Variants in QSER1 observed in about 807,000 individuals in gnomAD.
QSER1 encodes the protein glutamine and serine-rich protein 1.
QSER1 carries 49 observed loss-of-function variants against 158.5 expected under a neutral mutation model. The ratio of observed to expected loss-of-function variants is 0.31; its 90% CI spans 0.25 to 0.39. QSER1 has a LOEUF of 0.39. Ranked by LOEUF, QSER1 falls within the 10% of genes least tolerant of loss-of-function variation. The pLI, the probability that QSER1 is intolerant of heterozygous loss-of-function variation, is 1.00. For synonymous variants in QSER1, 650 were observed against 715.5 expected (o/e 0.91, Z 1.46); for missense variants, 1,754 against 2,010.3 (o/e 0.87, Z 2.44).
chr11:32,952,626 G>A (rs2133579888), intron 4 of QSER1, among the ~76,000 whole-genome samples: 1 of 152,190 alleles, frequency 6.6e-6, no homozygotes, highest in Non-Finnish European at 1.5e-5. Flanking sequence ...AATGAGTTGG[G>A]AAGTGTTTCC....
chr11:32,912,126 A>G (rs1378178926), intron 1 of QSER1, among the ~76,000 whole-genome samples: 1 of 152,118 alleles, frequency 6.6e-6, no homozygotes, highest in Non-Finnish European at 1.5e-5. Flanking sequence ...CCAATTTTTT[A>G]TTTCCAGCTC....
At position 32,969,160 on chromosome 11, in the gene QSER1, A is replaced by C. The variant is rs370498196; in HGVS notation, c.5205+17A>C. 6.3e-6 allele frequency: 9 copies of C among 1,435,668 alleles called. No individual in the cohort carries two copies. The highest frequency in any genetic ancestry group is 8.7e-6 in the Non-Finnish European group (9 of 1,031,466). The allele number at this position is 1,435,668 out of a possible 1,614,324, so 88.9% of individuals were successfully genotyped here. A position where few individuals can be genotyped will look rare whatever the true frequency, so the allele number is the denominator to read the frequency against. On this transcript the variant is annotated intron_variant, in intron 10 of 12. Coordinates refer to ENST00000650167, the MANE Select transcript of QSER1 (RefSeq NM_001076786.3). ...TCATTCAAGGTATTTCCTTCTGATG[A>C]CTTATTAGCAAAACTCAATGGCAGT... is the stretch of plus-strand genomic sequence containing the variant.
chr11:32,958,195 C>G (rs760716276), intron 8 of QSER1, 109 bp downstream of exon 8: 3 of 883,344 alleles, frequency 3.4e-6, no homozygotes, highest in Non-Finnish European at 5.2e-6. Flanking sequence ...GGGAATTTAT[C>G]TACCTAATAA....
At position 32,934,131 on chromosome 11, in the gene QSER1, C is replaced by T. The variant is rs1444740285; in HGVS notation, c.2873C>T (p.Ser958Phe). Reference protein sequence around the residue: ...NQHDSKNQFVSLGSMCFPEAV... With the variant: ...NQHDSKNQFVFLGSMCFPEAV... ...CATGATTCAAAGAATCAGTTTGTTT[C>T]TCTTGGATCGATGTGTTTCCCAGAG... The change falls in exon 4 of 13, where the codon TCT becomes TTT. Residue 958 changes from serine (S) to phenylalanine (F), a missense_variant. By Grantham distance (155) the Ser-to-Phe change is radical. Around this residue, in one of 2 missense-constraint regions of QSER1, gnomAD observed 1,707 missense variants for 1,919.6 expected, o/e 0.89. Transcript: ENST00000650167. 1.9e-6 allele frequency: 3 copies of T among 1,613,874 alleles called. No individual in the cohort carries two copies. Among genetic ancestry groups the T allele is most frequent in the African/African-American group, 1.3e-5 (1 of 74,914 alleles).
rs753026485 is a variant in QSER1, at chr11:32,934,822, T to C, written c.3564T>C (p.Ile1188=). ...CTGGGGATGCAGTCAGTGTCAAGAT[T>C]GAAGAAGAAAACCAAGATTTAATGC... is the stretch of plus-strand genomic sequence containing the variant. The part of the protein sequence containing the change: ...AQSGDAVSVK[I]EEENQDLMHF... Residue 1188 remains isoleucine (I), a synonymous_variant, in exon 4 of 13, where the codon ATT becomes ATC. Transcript: ENST00000650167. 6.2e-7 allele frequency: 1 copy of C among 1,614,012 alleles called. No individual in the cohort carries two copies. The highest frequency in any genetic ancestry group is 2.2e-5 in the East Asian group (1 of 44,884).
chr11:32,961,272 T>C (rs1043853079), intron 8 of QSER1, among the ~76,000 whole-genome samples: 1 of 152,190 alleles, frequency 6.6e-6, no homozygotes, highest in Non-Finnish European at 1.5e-5. Context: ...CAGATACTCA[T>C]AGATACTCCT....
chr11:32,921,024 A>G (rs1419732711), intron 1 of QSER1, among the ~76,000 whole-genome samples: 2 of 152,202 alleles, frequency 1.3e-5, no homozygotes, highest in African/African-American at 4.8e-5. Flanking sequence ...AAATTAAAAC[A>G]TACATCTATA....
chr11:32,958,063 A>G lies in QSER1; in HGVS notation c.4946A>G (p.His1649Arg). 2 of 1,614,120 alleles carry G rather than the reference A, an allele frequency of 1.2e-6. No homozygotes were observed. The highest frequency in any genetic ancestry group is 1.7e-6 in the Non-Finnish European group (2 of 1,179,974). The change falls in exon 8 of 13, where the codon CAT (histidine) becomes CGT (arginine). Residue 1649 changes from histidine to arginine, a missense_variant. Physicochemically the swap from His to Arg is conservative, Grantham distance 29 (BLOSUM62 0). Coordinates refer to ENST00000650167, the MANE Select transcript of QSER1 (RefSeq NM_001076786.3). ...CAATCTGACTCATCTCCTGAGATCC[A>G]TACTAGTAGTAGTGACGATGAGGGT... ...SSQSDSSPEIHTSSSDDEEFE... is the reference protein window; with the variant it reads ...SSQSDSSPEIRTSSSDDEEFE...
chr11:32,933,172 T>C lies in QSER1; in HGVS notation c.1914T>C (p.Ser638=). The change falls in exon 4 of 13, where the codon TCT becomes TCC. Residue 638 remains serine, a synonymous_variant. Transcript: ENST00000650167. ...SQNVQTQESS[S]PQSQKFLPAV... ...ATGTTCAGACTCAAGAGTCATCATC[T>C]CCCCAGTCCCAGAAGTTTTTGCCTG... The C allele has an allele frequency of 6.2e-7, 1 of 1,613,712 alleles. No homozygotes were observed. The highest frequency in any genetic ancestry group is 8.5e-7 in the Non-Finnish European group (1 of 1,179,884).
At chr11:32,920,332 A>T (rs796800521) in intron 1 of QSER1, among the ~76,000 whole-genome samples, 11 of 152,352 alleles carry the variant, frequency 7.2e-5, no homozygotes, top group African/African-American at 2.6e-4. Flanking sequence ...TAGCAAAAGA[A>T]TGAAACTGGA....
intron 4 of QSER1, among the ~76,000 whole-genome samples, chr11:32,952,475 G>A: frequency 7.3e-6 from 1 of 137,004 alleles, no homozygotes; most frequent in South Asian, 2.2e-4. Context: ...TGGTCATATT[G>A]TATGATTCTT....
At chr11:32,975,519 T>G in intron 12 of QSER1, 176 bp downstream of exon 12, 1 of 1,467,116 alleles carries the variant, frequency 6.8e-7, no homozygotes, top group South Asian at 1.2e-5. Context: ...TGCTATGTTT[T>G]GTGCTCAGAT....
intron 10 of QSER1, among the ~76,000 whole-genome samples, chr11:32,969,383 C>T (rs1353479898): frequency 2.0e-5 from 3 of 152,028 alleles, no homozygotes; most frequent in Admixed American, 6.6e-5. Context: ...AAAATAATTT[C>T]CAAATGTTCT....
intron 10 of QSER1, among the ~76,000 whole-genome samples, chr11:32,971,022 C>T (rs1462943569): frequency 3.5e-5 from 5 of 141,858 alleles, no homozygotes; most frequent in African/African-American, 7.9e-5. Context: ...GCGCGATCTC[C>T]GCCCACTGCA....
In QSER1 at chr11:32,933,563, A is replaced by G; in HGVS notation, c.2305A>G (p.Thr769Ala). 1 of 1,613,874 alleles carries G rather than the reference A, an allele frequency of 6.2e-7. No individual in the cohort carries two copies. Among genetic ancestry groups the G allele is most frequent in the East Asian group, 2.2e-5 (1 of 44,896 alleles). The change falls in exon 4 of 13, where the codon ACA becomes GCA. Residue 769 changes from threonine (T) to alanine (A), a missense_variant. Physicochemically the swap from Thr to Ala is moderately conservative, Grantham distance 58 (BLOSUM62 0). Transcript: ENST00000650167. Reference protein sequence around the residue: ...KKEESVVGSVTQLNQQIGQVN... With the variant: ...KKEESVVGSVAQLNQQIGQVN... ...AGAAGAAAGTGTTGTTGGTTCAGTG[A>G]CACAACTTAACCAACAAATTGGCCA...
At chr11:32,945,137 C>T (rs1309629508) in intron 4 of QSER1, among the ~76,000 whole-genome samples, 8 of 125,756 alleles carry the variant, frequency 6.4e-5, no homozygotes, top group Non-Finnish European at 1.0e-4. Flanking sequence ...TGTCTCTGCA[C>T]GTGAGATGGG....
intron 8 of QSER1, among the ~76,000 whole-genome samples, chr11:32,961,252 A>C (rs911184801): frequency 1.1e-4 from 17 of 152,170 alleles, no homozygotes; most frequent in Non-Finnish European, 2.1e-4. Context: ...GAGGATTTCA[A>C]TTGCCTTCTC....
At chr11:32,964,741 C>T (rs71468505) in intron 8 of QSER1, among the ~76,000 whole-genome samples, 43,674 of 65,814 alleles carry the variant, frequency 0.66, 13,650 homozygotes, top group East Asian at 0.82. Flanking sequence ...TATATATATA[C>T]ACACACACAC....
chr11:32,956,204 TTAAA>T (rs1386108225), intron 7 of QSER1, 83 bp downstream of exon 7: 79 of 1,241,868 alleles, frequency 6.4e-5, no homozygotes, highest in East Asian at 2.2e-4. Flanking sequence ...AGCATATCAA[TTAAA>T]TAGATTTTTT....
Sources: allele counts gnomAD v4.1 joint callset (sites outside exome capture counted in the v4.1 genomes callset), GRCh38; gene constraint gnomAD v4.1.1; regional missense constraint gnomAD v4.1.1; transcripts MANE v1.5; gene names NCBI Gene and HGNC (gene_info 2026-07-23, HGNC 2026-07-21).